CPLX2: variants seen among roughly 807,000 people sequenced by gnomAD.
The protein encoded by CPLX2 is complexin 2.
A neutral mutation model predicts 16.3 loss-of-function variants in CPLX2; 5 were observed. That is an observed-to-expected ratio of 0.31 (90% confidence interval 0.16 to 0.64). The LOEUF is 0.64. Ranked by LOEUF, CPLX2 falls within the 30% of genes least tolerant of loss-of-function variation. CPLX2 has a pLI of 0.79. For missense variants in CPLX2, 144 were observed against 181.4 expected, an observed-to-expected ratio of 0.79 and a Z score of 1.18; for synonymous variants, 89 against 73.2, an observed-to-expected ratio of 1.22 and a Z score of -1.10.
chr5:175,813,553 G>C (rs1758351047), intron 2 of CPLX2, among the ~76,000 whole-genome samples: 1 of 152,250 alleles, frequency 6.6e-6, no homozygotes, highest in Non-Finnish European at 1.5e-5. Context: ...AGTCGGTCTG[G>C]AACAGTGTGG....
Position 175,878,964 on chromosome 5 carries a change from G to T in CPLX2, c.88G>T (p.Ala30Ser). Residue 30 changes from alanine to serine, a missense_variant, in exon 3 of 4, where the codon GCG (alanine) becomes TCG (serine). Coordinates refer to ENST00000393745, the MANE Select transcript of CPLX2 (RefSeq NM_001008220.2). ...GGGAGAGGAGGAGAAGGACCCCGAC[G>T]CGCAGAAAAAGGAGGAGGAGCGGCA... Reference protein sequence around the residue: ...LGGEEEKDPDAQKKEEERQEA... With the variant: ...LGGEEEKDPDSQKKEEERQEA... The T allele has an allele frequency of 6.2e-7, 1 of 1,610,482 alleles. No individual in the cohort carries two copies. Among genetic ancestry groups the T allele is most frequent in the Non-Finnish European group, 8.5e-7 (1 of 1,178,500 alleles).
At chr5:175,856,350 G>A (rs1402161662) in intron 2 of CPLX2, among the ~76,000 whole-genome samples, 1 of 152,176 alleles carries the variant, frequency 6.6e-6, no homozygotes, top group African/African-American at 2.4e-5. Context: ...ACAGACATGG[G>A]TTTTTGTACC....
intron 2 of CPLX2, among the ~76,000 whole-genome samples, chr5:175,859,382 G>T (rs140941409): frequency 2.2e-3 from 335 of 152,298 alleles, no homozygotes; most frequent in Non-Finnish European, 3.7e-3. Context: ...GATGATCATA[G>T]CTCTGAGATG....
chr5:175,797,370 G>GGGGT (rs1758006541), intron 1 of CPLX2, among the ~76,000 whole-genome samples: 1 of 131,964 alleles, frequency 7.6e-6, no homozygotes, highest in Admixed American at 7.7e-5. Context: ...GTGCAATGGC[G>GGGGT]GGGCCCAGCT....
chr5:175,839,644 G>C (rs1758912374), intron 2 of CPLX2, among the ~76,000 whole-genome samples: 1 of 152,202 alleles, frequency 6.6e-6, no homozygotes. Context: ...TCTTTAAAAG[G>C]TGTAGAGTTT....
intron 2 of CPLX2, among the ~76,000 whole-genome samples, chr5:175,862,015 A>G (rs73803076): frequency 0.083 from 12,607 of 152,212 alleles, 841 homozygotes; most frequent in African/African-American, 0.18. Context: ...AGAGACATGA[A>G]GCCAGCATGC....
At chr5:175,842,720 G>A (rs1195654708) in intron 2 of CPLX2, among the ~76,000 whole-genome samples, 3 of 152,232 alleles carry the variant, frequency 2.0e-5, no homozygotes, top group African/African-American at 7.2e-5. Context: ...GCTGCTCGGT[G>A]GCCCCAGCAC....
At position 175,872,007 on chromosome 5, in the gene CPLX2, C is replaced by T. The variant is rs1182256237; in HGVS notation, c.-89+302C>T. 2 of 152,250 alleles carry T rather than the reference C, an allele frequency of 1.3e-5. No individual in the cohort carries two copies. Among genetic ancestry groups the T allele is most frequent in the East Asian group, 1.9e-4 (1 of 5,154 alleles). 9.4% of individuals were successfully genotyped at this position (152,250 alleles called of 1,614,324 possible). A position where few individuals can be genotyped will look rare whatever the true frequency, so the allele number is the denominator to read the frequency against. ...AGACTCCGGGCAGAGCCCGAACGGCCGGGGTCCCGGAGCCAGGACCGCCCC... is the reference window on the plus strand; with the variant it reads ...AGACTCCGGGCAGAGCCCGAACGGCTGGGGTCCCGGAGCCAGGACCGCCCC... On this transcript the variant is annotated intron_variant, in intron 1 of 3. Coordinates refer to ENST00000393745, the MANE Select transcript of CPLX2 (RefSeq NM_001008220.2). The surrounding 1 kb of genome is among the most constrained non-coding windows in gnomAD (Gnocchi z 5.0).
At chr5:175,799,570 A>ATATATATATATATT in intron 1 of CPLX2, among the ~76,000 whole-genome samples, 1 of 144,430 alleles carries the variant, frequency 6.9e-6, no homozygotes, top group African/African-American at 2.5e-5. Flanking sequence ...ATATATATAT[A>ATATATATATATATT]TATATAGTAA....
intron 2 of CPLX2, among the ~76,000 whole-genome samples, chr5:175,823,734 T>C (rs1758555336): frequency 6.6e-6 from 1 of 152,182 alleles, no homozygotes; most frequent in Non-Finnish European, 1.5e-5. Flanking sequence ...TGTGTGATGA[T>C]GTCAGAGCTT....
At chr5:175,806,748 T>C (rs894182303) in intron 1 of CPLX2, among the ~76,000 whole-genome samples, 1 of 151,682 alleles carries the variant, frequency 6.6e-6, no homozygotes, top group Non-Finnish European at 1.5e-5. Flanking sequence ...ATCCATCACC[T>C]CAGCCTCCCA....
chr5:175,867,343 C>T (rs1225318980), upstream of CPLX2, among the ~76,000 whole-genome samples: 1 of 152,114 alleles, frequency 6.6e-6, no homozygotes, highest in East Asian at 1.9e-4. Flanking sequence ...TGCAGCCTTA[C>T]CACTGATGGT....
rs146284357 is a variant in CPLX2 at position 175,878,960 on chromosome 5, C to T, written c.84C>T (p.Pro28=). Residue 28 remains proline, a synonymous_variant, in exon 3 of 4, where the codon CCC becomes CCT. Coordinates refer to ENST00000393745, the MANE Select transcript of CPLX2 (RefSeq NM_001008220.2). ...TGGGGGGAGAGGAGGAGAAGGACCC[C>T]GACGCGCAGAAAAAGGAGGAGGAGC... ...KMLGGEEEKD[P]DAQKKEEERQ... 6 of 1,610,798 alleles carry T rather than the reference C, an allele frequency of 3.7e-6. No individual in the cohort carries two copies. The highest frequency in any genetic ancestry group is 5.1e-6 in the Non-Finnish European group (6 of 1,178,658).
At position 175,809,566 on chromosome 5, in the gene CPLX2, C is replaced by T. The variant is rs747471225; in HGVS notation, c.-89+498C>T. 5.9e-5 allele frequency among the ~76,000 whole-genome samples: 9 copies of T among 152,136 alleles called. No homozygotes were observed. Among genetic ancestry groups the T allele is most frequent in the Non-Finnish European group, 1.2e-4 (8 of 68,020 alleles). On this transcript the variant is annotated intron_variant, in intron 2 of 4. Transcript: ENST00000359546. This position sits in a 1 kb window ranked among gnomAD's most constrained non-coding sequence, Gnocchi z 4.4. ...CTTGGCTCTCTTGTCACTGTCAGAT[C>T]CTGTGCTTTTTCTGCTGAGCCACGG...
chr5:175,872,861 T>G lies in CPLX2; in HGVS notation c.-89+1156T>G, dbSNP rs2113707436. 6.6e-6 allele frequency: 1 copy of G among 152,462 alleles called. No homozygotes were observed. The highest frequency in any genetic ancestry group is 1.9e-4 in the East Asian group (1 of 5,178). 9.4% of individuals were successfully genotyped at this position (152,462 alleles called of 1,614,324 possible). Reference sequence around the variant, plus strand: ...CGGCCATAAGGACAACCACTGCAGGTTACCCGAGTCAGCCTGTCAGATGGC... The same window carrying G: ...CGGCCATAAGGACAACCACTGCAGGGTACCCGAGTCAGCCTGTCAGATGGC... On this transcript the variant is annotated intron_variant, in intron 1 of 3. Coordinates refer to ENST00000393745, the MANE Select transcript of CPLX2 (RefSeq NM_001008220.2). The surrounding 1 kb of genome is among the most constrained non-coding windows in gnomAD (Gnocchi z 5.0).
chr5:175,836,287 T>C (rs1323429397), intron 2 of CPLX2, among the ~76,000 whole-genome samples: 3 of 152,112 alleles, frequency 2.0e-5, no homozygotes, highest in Non-Finnish European at 2.9e-5. Context: ...GAGGCGGAGC[T>C]TGCAGTGAGC....
At chr5:175,860,487 A>G in intron 2 of CPLX2, among the ~76,000 whole-genome samples, 2 of 93,764 alleles carry the variant, frequency 2.1e-5, no homozygotes, top group South Asian at 7.0e-4. Context: ...AGAAGAAAGA[A>G]AGAAAGAAAG....
intron 1 of CPLX2, among the ~76,000 whole-genome samples, chr5:175,877,063 C>T (rs949797304): frequency 6.6e-6 from 1 of 152,130 alleles, no homozygotes; most frequent in African/African-American, 2.4e-5. Context: ...ATCATTCATT[C>T]TCCTTCAAAC....
intron 2 of CPLX2, among the ~76,000 whole-genome samples, chr5:175,851,562 T>C (rs1759155038): frequency 6.6e-6 from 1 of 152,208 alleles, no homozygotes; most frequent in East Asian, 1.9e-4. Flanking sequence ...TAACTTCCAC[T>C]GTGGGGTCCT....
Sources: gnomAD v4.1 joint callset for allele counts (sites outside exome capture counted in the v4.1 genomes callset) on GRCh38, gnomAD v4.1.1 for gene constraint, Gnocchi (gnomAD v3.1) non-coding constraint, MANE v1.5 for transcripts, NCBI Gene and HGNC (gene_info 2026-07-23, HGNC 2026-07-21) for gene names.